QRFPR: variants seen among roughly 807,000 people sequenced by gnomAD.
The protein encoded by QRFPR is pyroglutamylated RF-amide peptide receptor.
In QRFPR, 37 loss-of-function variants were observed where a neutral mutation model predicts 31.3. The observed-to-expected ratio is 1.18, with a 90% CI of 0.91 to 1.56. The LOEUF is 1.56. Among genes scored for constraint, QRFPR ranks in the 40% most tolerant of loss-of-function variants. The pLI is 0.00. For missense variants in QRFPR, 542 were observed against 532.5 expected (o/e 1.02, Z -0.18); for synonymous variants, 197 against 192.0 (o/e 1.03, Z -0.22).
At chr4:121,365,350 A>C (rs1560743212) in intron 1 of QRFPR, among the ~76,000 whole-genome samples, 1 of 141,766 alleles carries the variant, frequency 7.1e-6, no homozygotes, top group African/African-American at 2.7e-5. Context: ...GCTACTCGGG[A>C]GGCTGAGGCA....
At chr4:121,335,931 A>G (rs1725426289) in intron 3 of QRFPR, among the ~76,000 whole-genome samples, 2 of 152,206 alleles carry the variant, frequency 1.3e-5, no homozygotes, top group Non-Finnish European at 2.9e-5. Flanking sequence ...GGGATAAAAT[A>G]AAATTACTTT....
rs1440037975 is a variant in QRFPR at position 121,351,126 on chromosome 4, A to G, written c.341-10516T>C. On this transcript the variant is annotated intron_variant, in intron 1 of 5. Coordinates refer to ENST00000394427, the MANE Select transcript of QRFPR (RefSeq NM_198179.3). ...AAAGACAGCTTTCCTCAACTGTCTG[A>G]CAATCCTTGGTTGTCCTTTCAGATT... 2.0e-5 allele frequency among the ~76,000 whole-genome samples: 3 copies of G among 152,234 alleles called. No individual in the cohort carries two copies. In the East Asian group the frequency reaches 5.8e-4, roughly 29 times the overall value.
At chr4:121,336,153 C>T (rs1326348011) in intron 3 of QRFPR, among the ~76,000 whole-genome samples, 1 of 152,094 alleles carries the variant, frequency 6.6e-6, no homozygotes, top group Non-Finnish European at 1.5e-5. Flanking sequence ...ATGTAAGCAA[C>T]CCCCTACCGT....
intron 2 of QRFPR, among the ~76,000 whole-genome samples, chr4:121,339,064 C>T (rs1725489496): frequency 1.3e-5 from 2 of 152,170 alleles, no homozygotes; most frequent in Admixed American, 1.3e-4. Flanking sequence ...CACCTTTCTC[C>T]CCTAATGATT....
At chr4:121,341,160 C>G (rs1418454618) in intron 1 of QRFPR, among the ~76,000 whole-genome samples, 2 of 152,212 alleles carry the variant, frequency 1.3e-5, no homozygotes, top group Non-Finnish European at 2.9e-5. Flanking sequence ...GGCCACTAGG[C>G]AAGTTTTGGC....
intron 1 of QRFPR, among the ~76,000 whole-genome samples, chr4:121,350,974 T>C (rs888312407): frequency 1.3e-5 from 2 of 152,218 alleles, no homozygotes; most frequent in Admixed American, 1.3e-4. Context: ...TCGTTTGTTT[T>C]GTTCTCCTTT....
In QRFPR at chr4:121,343,835, T is replaced by A. The variant is rs561358429; in HGVS notation, c.341-3225A>T. 9.8e-5 allele frequency among the ~76,000 whole-genome samples: 15 copies of A among 152,358 alleles called. No homozygotes were observed. In the East Asian group the frequency reaches 2.1e-3, roughly 22 times the overall value. On this transcript the variant is annotated intron_variant, in intron 1 of 5. Coordinates refer to ENST00000394427, the MANE Select transcript of QRFPR (RefSeq NM_198179.3). The stretch of plus-strand genomic sequence containing the variant: ...TGTTATCTCATTATAGTGTTATCCA[T>A]CCTGAATATATTCAGTTTGTGTATT...
Position 121,329,470 on chromosome 4 carries a change from C to A in QRFPR, c.1140G>T (p.Glu380Asp), listed in dbSNP as rs767625692. The A allele has an allele frequency of 3.7e-6, 6 of 1,614,044 alleles. No homozygotes were observed. Among genetic ancestry groups the A allele is most frequent in the African/African-American group, 2.7e-5 (2 of 74,934 alleles). Residue 380 changes from glutamate (E) to aspartate (D), a missense_variant, in exon 6 of 6, where the codon GAG becomes GAT. By Grantham distance (45) the Glu-to-Asp change is conservative (BLOSUM62 2). Transcript: ENST00000394427. ...MRKKAKFSLR[E>D]NPVEETKGEA... ...CTCCTTTGGTTTCCTCCACTGGATTCTCTCTGAGGGAAAACTTTGCTTTCT... is the reference window on the plus strand; with the variant it reads ...CTCCTTTGGTTTCCTCCACTGGATTATCTCTGAGGGAAAACTTTGCTTTCT...
chr4:121,374,874 C>T (rs967387535), intron 1 of QRFPR, among the ~76,000 whole-genome samples: 1 of 152,122 alleles, frequency 6.6e-6, no homozygotes, highest in African/African-American at 2.4e-5. Flanking sequence ...TTTGGAATTG[C>T]TTTTAGTCAA....
chr4:121,362,141 C>T (rs1283938144), intron 1 of QRFPR, among the ~76,000 whole-genome samples: 5 of 150,090 alleles, frequency 3.3e-5, no homozygotes, highest in African/African-American at 4.9e-5. Context: ...GCTCATCAGC[C>T]TCTCACCTAA....
chr4:121,359,961 A>G (rs968650549), intron 1 of QRFPR, among the ~76,000 whole-genome samples: 1 of 140,578 alleles, frequency 7.1e-6, no homozygotes, highest in African/African-American at 2.5e-5. Flanking sequence ...CGTTTTTCTA[A>G]ACACTATTAT....
At chr4:121,357,301 C>T (rs1725889243) in intron 1 of QRFPR, among the ~76,000 whole-genome samples, 1 of 151,892 alleles carries the variant, frequency 6.6e-6, no homozygotes, top group South Asian at 2.1e-4. Flanking sequence ...TAATTAAATG[C>T]CATGGACCTG....
At position 121,336,138 on chromosome 4, in the gene QRFPR, G is replaced by C. The variant is rs193077537; in HGVS notation, c.561+669C>G. 2.6e-5 allele frequency among the ~76,000 whole-genome samples: 4 copies of C among 152,170 alleles called. No individual in the cohort carries two copies. The East Asian group carries it at 5.8e-4, about 22-fold the overall frequency. ...ATAAATCATTTAAAACTTATCTTAG[G>C]GGGTATGTAAGCAACCCCCTACCGT... On this transcript the variant is annotated intron_variant, in intron 3 of 5. Transcript: ENST00000394427.
Position 121,380,407 on chromosome 4 carries a change from T to TG in QRFPR, c.240dup (p.Asn81GlnfsTer11). The TG allele has an allele frequency of 6.2e-7, 1 of 1,614,150 alleles. No homozygotes were observed. Among genetic ancestry groups the TG allele is most frequent in the Non-Finnish European group, 8.5e-7 (1 of 1,180,024 alleles). On this transcript the variant is annotated frameshift_variant, in exon 1 of 6. Coordinates refer to ENST00000394427, the MANE Select transcript of QRFPR (RefSeq NM_198179.3). LOFTEE classifies it high-confidence loss of function. ...AGCGCCAAGGAGCAGATAAAGATGT[T>TG]GGTGACGGTGCGCATGGCCTTGCTG...
At chr4:121,378,483 G>A (rs980244411) in intron 1 of QRFPR, among the ~76,000 whole-genome samples, 17 of 148,924 alleles carry the variant, frequency 1.1e-4, no homozygotes, top group Non-Finnish European at 2.2e-4. Flanking sequence ...CGTGATCTCG[G>A]CTCACTACAA....
At chr4:121,366,078 C>T (rs1726130451) in intron 1 of QRFPR, among the ~76,000 whole-genome samples, 1 of 149,170 alleles carries the variant, frequency 6.7e-6, no homozygotes, top group South Asian at 2.1e-4. Flanking sequence ...AGGGGTGGAA[C>T]TGCTGAAGGC....
At chr4:121,359,990 G>C (rs1410144448) in intron 1 of QRFPR, among the ~76,000 whole-genome samples, 1 of 151,602 alleles carries the variant, frequency 6.6e-6, no homozygotes, top group African/African-American at 2.4e-5. Flanking sequence ...GATCTTATTG[G>C]GGTAACATTT....
rs187168138 is a variant in QRFPR at position 121,348,921 on chromosome 4, G to C, written c.341-8311C>G. Among the ~76,000 whole-genome samples the C allele has an allele frequency of 3.5e-3, 534 of 151,960 alleles. 35 individuals are homozygous for C. In the East Asian group the frequency reaches 0.079, roughly 23 times the overall value. On this transcript the variant is annotated intron_variant, in intron 1 of 5. Coordinates refer to ENST00000394427, the MANE Select transcript of QRFPR (RefSeq NM_198179.3). Reference sequence around the variant, plus strand: ...GACCATCCTGGCTAACACGGTGAAAGCCCATCTCTACTAAAAATACAAAAA... The same window carrying C: ...GACCATCCTGGCTAACACGGTGAAACCCCATCTCTACTAAAAATACAAAAA...
At chr4:121,366,622 T>G (rs1726138995) in intron 1 of QRFPR, among the ~76,000 whole-genome samples, 1 of 149,910 alleles carries the variant, frequency 6.7e-6, no homozygotes, top group Non-Finnish European at 1.5e-5. Flanking sequence ...ACCAGATAGA[T>G]GTAGCACTGA....
Sources: allele counts gnomAD v4.1 joint callset (sites outside exome capture counted in the v4.1 genomes callset), GRCh38; gene constraint gnomAD v4.1.1; transcripts MANE v1.5; gene names NCBI Gene and HGNC (gene_info 2026-07-23, HGNC 2026-07-21).